Variants in TBCK observed in about 807,000 individuals in gnomAD.
TBCK encodes TBC domain-containing protein kinase-like protein.
In TBCK, 99 loss-of-function variants were observed where a neutral mutation model predicts 113.4. The observed-to-expected ratio is 0.87, with a 90% CI of 0.74 to 1.03. The LOEUF (loss-of-function observed/expected upper bound fraction) is 1.03, where lower values mean the gene tolerates loss of function less well. TBCK is among the 50% of genes least tolerant of loss of function. TBCK has a pLI of 0.00. For missense variants in TBCK, 1,045 were observed against 1,061.3 expected (o/e 0.98, Z 0.21); for synonymous variants, 369 against 370.8 (o/e 1.00, Z 0.05).
chr4:106,079,320 C>T (rs749429714), intron 25 of TBCK, among the ~76,000 whole-genome samples: 3 of 152,058 alleles, frequency 2.0e-5, no homozygotes, highest in Non-Finnish European at 4.4e-5. Flanking sequence ...GAAGTCTTAG[C>T]CAGGGCAATC....
intron 19 of TBCK, among the ~76,000 whole-genome samples, chr4:106,227,852 T>C (rs567965836): frequency 6.6e-5 from 10 of 150,938 alleles, no homozygotes; most frequent in South Asian, 2.1e-4. Flanking sequence ...TAAAACAGTA[T>C]AAAATGTCAC....
chr4:106,265,507 GGAGAGAGAGAGATCCAGAGATCCAAA>G (rs146718474), intron 3 of TBCK, among the ~76,000 whole-genome samples: 11,610 of 151,568 alleles, frequency 0.077, 515 homozygotes, highest in Middle Eastern at 0.18. Context: ...CTTAATTCCA[GGAGAGAGAGAGATCCAGAGATCCAAA>G]GAGAGAGAGA....
intron 3 of TBCK, among the ~76,000 whole-genome samples, chr4:106,264,532 C>T (rs1762806792): frequency 6.6e-6 from 1 of 151,922 alleles, no homozygotes; most frequent in African/African-American, 2.4e-5. Context: ...CACTTTAAGA[C>T]CTTTGGGCTT....
intron 2 of TBCK, among the ~76,000 whole-genome samples, chr4:106,305,006 T>A (rs117961795): frequency 4.6e-5 from 7 of 152,194 alleles, no homozygotes; most frequent in Admixed American, 2.0e-4. Flanking sequence ...TCTAACTACC[T>A]CCATGAGTTG....
At chr4:106,061,239 T>C in intron 25 of TBCK, among the ~76,000 whole-genome samples, 1 of 151,742 alleles carries the variant, frequency 6.6e-6, no homozygotes, top group South Asian at 2.1e-4. Context: ...AGAGAAATCT[T>C]TCATGAAGAG....
intron 23 of TBCK, among the ~76,000 whole-genome samples, chr4:106,159,631 G>T (rs1420058828): frequency 6.6e-6 from 1 of 151,880 alleles, no homozygotes; most frequent in Admixed American, 6.6e-5. Flanking sequence ...AATTTAGAAA[G>T]ACATAAATAA....
intron 23 of TBCK, among the ~76,000 whole-genome samples, chr4:106,156,621 G>C (rs1222940334): frequency 6.6e-6 from 1 of 152,114 alleles, no homozygotes; most frequent in African/African-American, 2.4e-5. Context: ...GCTTTCCATA[G>C]GCAGAAGGGC....
chr4:106,171,684 G>T (rs1751040111), intron 22 of TBCK, among the ~76,000 whole-genome samples: 1 of 152,002 alleles, frequency 6.6e-6, no homozygotes, highest in African/African-American at 2.4e-5. Context: ...ATACAATTTG[G>T]GAATAGGTAG....
chr4:106,224,448 A>C (rs1758019242), intron 19 of TBCK, among the ~76,000 whole-genome samples: 1 of 152,188 alleles, frequency 6.6e-6, no homozygotes, highest in Non-Finnish European at 1.5e-5. Flanking sequence ...CTTACGACTT[A>C]GGATTTTTCC....
At chr4:106,298,102 T>G (rs1021678099) in intron 2 of TBCK, among the ~76,000 whole-genome samples, 2 of 152,230 alleles carry the variant, frequency 1.3e-5, no homozygotes, top group Non-Finnish European at 2.9e-5. Flanking sequence ...ATTTTAATTT[T>G]GTTTTGTAGC....
chr4:106,247,159 T>G lies in TBCK; in HGVS notation c.911A>C (p.Asp304Ala), dbSNP rs767233770. The G allele has an allele frequency of 6.2e-7, 1 of 1,613,036 alleles. No individual in the cohort carries two copies. Among genetic ancestry groups the G allele is most frequent in the South Asian group, 1.1e-5 (1 of 90,878 alleles). ...LRCADLTLPE[D>A]ISQLCKDINN... ...ATTACCTTTACACAACTGACTGATATCCTCAGGCAGAGTTAAATCAGCACA... is the reference window on the plus strand; with the variant it reads ...ATTACCTTTACACAACTGACTGATAGCCTCAGGCAGAGTTAAATCAGCACA... The change falls in exon 10 of 26, where the codon GAT (aspartate) becomes GCT (alanine). Residue 304 changes from aspartate to alanine, a missense_variant. Physicochemically the swap from Asp to Ala is moderately radical, Grantham distance 126. Transcript: ENST00000394708.
intron 19 of TBCK, 120 bp from the exon 20 acceptor site, chr4:106,212,955 C>A: frequency 1.5e-6 from 1 of 647,310 alleles, no homozygotes; most frequent in East Asian, 2.9e-5. Context: ...GAATACTTTA[C>A]GTGATAATTT....
chr4:106,225,195 T>A (rs939990871), intron 19 of TBCK, among the ~76,000 whole-genome samples: 2 of 152,202 alleles, frequency 1.3e-5, no homozygotes, highest in Non-Finnish European at 2.9e-5. Context: ...ATATAAAATT[T>A]GGACAAATGA....
chr4:106,146,240 C>T (rs1053574433), intron 23 of TBCK, among the ~76,000 whole-genome samples: 7 of 152,174 alleles, frequency 4.6e-5, no homozygotes, highest in East Asian at 3.9e-4. Context: ...AATACATATA[C>T]ATATACATGG....
chr4:106,228,810 G>C (rs1758517601), intron 19 of TBCK, among the ~76,000 whole-genome samples: 2 of 152,000 alleles, frequency 1.3e-5, no homozygotes, highest in African/African-American at 2.4e-5. Flanking sequence ...GTTTATTGAA[G>C]AACCTCTAAA....
intron 3 of TBCK, among the ~76,000 whole-genome samples, chr4:106,286,846 C>T (rs555263748): frequency 6.7e-6 from 1 of 149,128 alleles, no homozygotes; most frequent in African/African-American, 2.5e-5. Context: ...CACTACTGCA[C>T]TCCAGCAGCC....
intron 13 of TBCK, 23 bp from the exon 14 acceptor site, chr4:106,236,542 T>TA (rs113636427): frequency 0.076 from 82,804 of 1,093,684 alleles, 22 homozygotes; most frequent in Non-Finnish European, 0.082. Context: ...ACAAAAGCAA[T>TA]AAAAAAAAAA....
At chr4:106,298,202 C>A (rs1766518231) in intron 2 of TBCK, among the ~76,000 whole-genome samples, 1 of 152,194 alleles carries the variant, frequency 6.6e-6, no homozygotes. Context: ...GTTTTACTTT[C>A]TGCAGTTTCC....
At chr4:106,224,449 G>C (rs1758019542) in intron 19 of TBCK, among the ~76,000 whole-genome samples, 1 of 151,862 alleles carries the variant, frequency 6.6e-6, no homozygotes, top group African/African-American at 2.4e-5. Context: ...TTACGACTTA[G>C]GATTTTTCCC....
Sources: allele counts gnomAD v4.1 joint callset (sites outside exome capture counted in the v4.1 genomes callset), GRCh38; gene constraint gnomAD v4.1.1; transcripts MANE v1.5; gene names NCBI Gene and HGNC (gene_info 2026-07-23, HGNC 2026-07-21).